Variants in ARHGEF28 observed in about 807,000 individuals in gnomAD.
ARHGEF28 encodes Rho guanine nucleotide exchange factor 28, also known as 190 kDa guanine nucleotide exchange factor.
A neutral mutation model predicts 206.6 loss-of-function variants in ARHGEF28; 152 were observed. The ratio of observed to expected loss-of-function variants is 0.74; its 90% CI spans 0.64 to 0.84. The LOEUF (loss-of-function observed/expected upper bound fraction) is 0.84. ARHGEF28 is among the 40% of genes least tolerant of loss of function. The pLI is 0.00. For synonymous variants in ARHGEF28, 763 were observed against 776.4 expected (o/e 0.98, Z 0.29); for missense variants, 2,028 against 2,073.2 (o/e 0.98, Z 0.42).
At chr5:73,674,213 A>G (rs1460539364) in intron 1 of ARHGEF28, among the ~76,000 whole-genome samples, 1 of 152,174 alleles carries the variant, frequency 6.6e-6, no homozygotes, top group African/African-American at 2.4e-5. Flanking sequence ...CATAGCTGAG[A>G]TTCAATGCAG....
At chr5:73,855,921 T>C (rs775617394) in intron 14 of ARHGEF28, among the ~76,000 whole-genome samples, 1 of 152,174 alleles carries the variant, frequency 6.6e-6, no homozygotes, top group Non-Finnish European at 1.5e-5. Flanking sequence ...TTTAGTTGTG[T>C]TCCTGCTGGG....
At chr5:73,886,130 T>TC in intron 25 of ARHGEF28, 26 bp downstream of exon 25, 1 of 1,588,474 alleles carries the variant, frequency 6.3e-7, no homozygotes, top group Non-Finnish European at 8.6e-7. Flanking sequence ...CAGACCAATT[T>TC]CTCCCTTCAT....
chr5:73,868,622 AC>A (rs1252924895), intron 20 of ARHGEF28, among the ~76,000 whole-genome samples: 1 of 152,116 alleles, frequency 6.6e-6, no homozygotes, highest in Non-Finnish European at 1.5e-5. Flanking sequence ...TGAGATACTT[AC>A]CCCATCTGTT....
intron 2 of ARHGEF28, among the ~76,000 whole-genome samples, chr5:73,720,580 G>A (rs965340982): frequency 6.6e-6 from 1 of 152,030 alleles, no homozygotes; most frequent in Non-Finnish European, 1.5e-5. Flanking sequence ...GGGGAATGAC[G>A]GGTGGGATGG....
intron 35 of ARHGEF28, among the ~76,000 whole-genome samples, chr5:73,914,845 T>C (rs1159839910): frequency 6.6e-5 from 10 of 152,164 alleles, no homozygotes; most frequent in Non-Finnish European, 1.3e-4. Flanking sequence ...CTGGACTCAC[T>C]GCAACCTCCC....
At chr5:73,843,250 G>A (rs936566104) in intron 11 of ARHGEF28, among the ~76,000 whole-genome samples, 1 of 152,026 alleles carries the variant, frequency 6.6e-6, no homozygotes, top group African/African-American at 2.4e-5. Context: ...TATCTGTTTT[G>A]AGTACAGGTA....
intron 7 of ARHGEF28, among the ~76,000 whole-genome samples, chr5:73,790,237 A>C (rs994089762): frequency 6.6e-6 from 1 of 151,706 alleles, no homozygotes; most frequent in Admixed American, 6.6e-5. Flanking sequence ...TTCTATTAAG[A>C]CTCTGGCCAG....
chr5:73,767,720 G>T (rs1752976199), intron 4 of ARHGEF28, among the ~76,000 whole-genome samples: 2 of 152,144 alleles, frequency 1.3e-5, no homozygotes, highest in Non-Finnish European at 2.9e-5. Flanking sequence ...CAATAGAAAA[G>T]AAAATCCCAT....
chr5:73,784,330 T>C (rs1283633864), intron 7 of ARHGEF28, among the ~76,000 whole-genome samples: 1 of 152,212 alleles, frequency 6.6e-6, no homozygotes, highest in Non-Finnish European at 1.5e-5. Context: ...GTGAGTGTGA[T>C]AAATGGTTTT....
chr5:73,773,309 G>A (rs937402732), intron 4 of ARHGEF28, among the ~76,000 whole-genome samples: 1 of 152,102 alleles, frequency 6.6e-6, no homozygotes, highest in African/African-American at 2.4e-5. Context: ...ATAATCTCAG[G>A]GATTTAGTAG....
intron 27 of ARHGEF28, 118 bp from the exon 28 acceptor site, chr5:73,893,079 A>C (rs1355423152): frequency 3.7e-6 from 3 of 809,022 alleles, no homozygotes; most frequent in Admixed American, 6.6e-5. Context: ...CATTCCCTTT[A>C]TGCTGAAATT....
intron 7 of ARHGEF28, among the ~76,000 whole-genome samples, chr5:73,787,349 AC>A: frequency 6.6e-6 from 1 of 152,208 alleles, no homozygotes. Context: ...CAAAAATCAT[AC>A]GCAGCCCTAG....
chr5:73,755,645 T>G (rs1458182659), intron 4 of ARHGEF28, among the ~76,000 whole-genome samples: 1 of 152,244 alleles, frequency 6.6e-6, no homozygotes, highest in Non-Finnish European at 1.5e-5. Flanking sequence ...CTCTCTAGTA[T>G]TTAATCCGTG....
At chr5:73,648,371 A>G (rs1744579696) in intron 1 of ARHGEF28, among the ~76,000 whole-genome samples, 1 of 152,200 alleles carries the variant, frequency 6.6e-6, no homozygotes, top group Non-Finnish European at 1.5e-5. Context: ...TGGAACCCTT[A>G]TACTGTCAGT....
intron 26 of ARHGEF28, among the ~76,000 whole-genome samples, chr5:73,891,071 T>C (rs914130631): frequency 1.3e-5 from 2 of 152,338 alleles, no homozygotes; most frequent in African/African-American, 2.4e-5. Flanking sequence ...AAACTAGTCC[T>C]ACCAACATTT....
In ARHGEF28 at chr5:73,753,041, C is replaced by T. The variant is rs376370183; in HGVS notation, c.314C>T (p.Thr105Met). The T allele has an allele frequency of 3.8e-5, 61 of 1,609,948 alleles. 1 individual carries two copies. The highest frequency in any genetic ancestry group is 2.9e-4 in the East Asian group (13 of 44,738). ...MACRLARLLV[T>M]QANRLTACSH... is the part of the protein sequence containing the mutation. ...TGCAGGCTGGCTCGTCTGCTGGTGA[C>T]GCAGGCCAATCGCCTCACAGCCTGC... The change falls in exon 4 of 36, where the codon ACG (threonine) becomes ATG (methionine). Residue 105 changes from threonine to methionine, a missense_variant. Transcript: ENST00000513042.
chr5:73,649,628 T>C (rs1744668837), intron 1 of ARHGEF28, among the ~76,000 whole-genome samples: 1 of 152,248 alleles, frequency 6.6e-6, no homozygotes, highest in Non-Finnish European at 1.5e-5. Flanking sequence ...TGGTTCCATA[T>C]TAATTTTATT....
intron 1 of ARHGEF28, among the ~76,000 whole-genome samples, chr5:73,671,938 G>A (rs1043321408): frequency 2.0e-5 from 3 of 150,922 alleles, no homozygotes; most frequent in African/African-American, 7.3e-5. Flanking sequence ...TGTATTTTTA[G>A]TAGAGATGGG....
chr5:73,663,834 A>G (rs947051920), intron 1 of ARHGEF28, among the ~76,000 whole-genome samples: 1 of 152,198 alleles, frequency 6.6e-6, no homozygotes, highest in Non-Finnish European at 1.5e-5. Context: ...GACTTTCACA[A>G]GTCTGTTTTG....
Sources: gnomAD v4.1 joint callset for allele counts (sites outside exome capture counted in the v4.1 genomes callset) on GRCh38, gnomAD v4.1.1 for gene constraint, MANE v1.5 for transcripts, NCBI Gene and HGNC (gene_info 2026-07-23, HGNC 2026-07-21) for gene names.